The following PDE7A variants were observed in gnomAD, a reference collection of about 807,000 sequenced individuals.
PDE7A encodes the protein high affinity 3',5'-cyclic-AMP phosphodiesterase 7A.
Under a neutral mutation model 64.3 loss-of-function variants are expected in PDE7A, and 39 were observed. That is an observed-to-expected ratio of 0.61 (90% CI 0.47 to 0.79). The LOEUF is 0.79. PDE7A is among the 30% of genes least tolerant of loss of function. PDE7A has a pLI of 0.00. For missense variants in PDE7A, 470 were observed against 582.8 expected (o/e 0.81, Z 1.99); for synonymous variants, 203 against 206.8 (o/e 0.98, Z 0.16).
At chr8:65,769,137 A>G (rs1808946708) in intron 3 of PDE7A, among the ~76,000 whole-genome samples, 1 of 151,500 alleles carries the variant, frequency 6.6e-6, no homozygotes, top group Non-Finnish European at 1.5e-5. Context: ...AATCCCAGCT[A>G]CTTGGGAGGC....
chr8:65,806,630 C>T (rs1810121834), intron 1 of PDE7A, among the ~76,000 whole-genome samples: 1 of 152,246 alleles, frequency 6.6e-6, no homozygotes, highest in African/African-American at 2.4e-5. Flanking sequence ...TTAAATTAGG[C>T]TGTCCCTTGG....
intron 1 of PDE7A, among the ~76,000 whole-genome samples, chr8:65,810,867 T>C (rs1314060035): frequency 1.3e-5 from 2 of 152,098 alleles, no homozygotes; most frequent in Admixed American, 6.5e-5. Flanking sequence ...GAAAAGGGAC[T>C]GAAAAACTAT....
chr8:65,741,772 G>C (rs748180065), intron 5 of PDE7A, among the ~76,000 whole-genome samples: 1 of 152,138 alleles, frequency 6.6e-6, no homozygotes, highest in South Asian at 2.1e-4. Context: ...TTCATTCTCT[G>C]TATATTTAGA....
intron 3 of PDE7A, among the ~76,000 whole-genome samples, chr8:65,755,121 A>G (rs1169744735): frequency 6.7e-6 from 1 of 149,368 alleles, no homozygotes; most frequent in Non-Finnish European, 1.5e-5. Context: ...CCCAGGTTCA[A>G]GTGATTCTCC....
At chr8:65,741,087 G>A (rs1350538535) in intron 5 of PDE7A, among the ~76,000 whole-genome samples, 1 of 152,108 alleles carries the variant, frequency 6.6e-6, no homozygotes, top group Non-Finnish European at 1.5e-5. Flanking sequence ...CTTCCATGGT[G>A]TAACTCTCCA....
In PDE7A at chr8:65,839,215, C is replaced by CT. The variant is rs111962307; in HGVS notation, c.138+2155dup. Among the ~76,000 whole-genome samples, 272 of 141,700 alleles carry CT rather than the reference C, an allele frequency of 1.9e-3. 2 individuals carry two copies. The highest frequency in any genetic ancestry group is 4.5e-3 in the African/African-American group (173 of 38,380). The allele number at this position is 141,700 out of a possible 152,430, so 93.0% of individuals were successfully genotyped here. A position where few individuals can be genotyped will look rare whatever the true frequency, so the allele number is the denominator to read the frequency against. ...AAACTGTAACTATTTTACTTAATGT[C>CT]TTTTTTTTAAAAAAAAAAGGGTTTT... On this transcript the variant is annotated intron_variant, in intron 1 of 12. Transcript: ENST00000401827.
At chr8:65,793,080 T>G (rs555665901) in intron 1 of PDE7A, among the ~76,000 whole-genome samples, 3 of 152,158 alleles carry the variant, frequency 2.0e-5, no homozygotes, top group Non-Finnish European at 4.4e-5. Context: ...TAAAAGCACT[T>G]AGAAAGTCTC....
intron 1 of PDE7A, among the ~76,000 whole-genome samples, chr8:65,814,553 T>C (rs2128930755): frequency 6.8e-6 from 1 of 147,824 alleles, no homozygotes; most frequent in Non-Finnish European, 1.5e-5. Context: ...CATATGTGTA[T>C]ATATATAATA....
intron 5 of PDE7A, among the ~76,000 whole-genome samples, chr8:65,741,717 G>A (rs768433225): frequency 4.5e-4 from 68 of 152,194 alleles, no homozygotes; most frequent in Non-Finnish European, 8.8e-4. Context: ...TGTTGCTATT[G>A]CTGTAACAAC....
chr8:65,738,579 G>A (rs561922805), intron 6 of PDE7A, among the ~76,000 whole-genome samples: 45 of 152,244 alleles, frequency 3.0e-4, no homozygotes, highest in African/African-American at 7.7e-4. Flanking sequence ...ACAGGCGTGC[G>A]CCACCATGCC....
At chr8:65,838,812 CA>C (rs543501786) in intron 1 of PDE7A, 252 of 152,334 alleles carry the variant, frequency 1.7e-3, no homozygotes, top group African/African-American at 5.6e-3. Flanking sequence ...CTGACTCTGG[CA>C]GCCTCCCACC....
At chr8:65,730,580 G>GA (rs1806840475) in intron 7 of PDE7A, among the ~76,000 whole-genome samples, 1 of 152,124 alleles carries the variant, frequency 6.6e-6, no homozygotes, top group South Asian at 2.1e-4. Context: ...TGTCTTCCGT[G>GA]AAACTGGTCC....
chr8:65,794,858 G>A (rs1809796624), intron 1 of PDE7A, among the ~76,000 whole-genome samples: 1 of 152,128 alleles, frequency 6.6e-6, no homozygotes, highest in African/African-American at 2.4e-5. Context: ...TGTAAATCCA[G>A]AGTGCTATAA....
intron 3 of PDE7A, among the ~76,000 whole-genome samples, chr8:65,765,859 G>T (rs1808757290): frequency 6.6e-6 from 1 of 152,200 alleles, no homozygotes; most frequent in African/African-American, 2.4e-5. Context: ...TAAGACATTA[G>T]TATCTCTTAT....
intron 3 of PDE7A, among the ~76,000 whole-genome samples, chr8:65,762,312 G>A (rs942757950): frequency 2.0e-5 from 3 of 151,966 alleles, no homozygotes; most frequent in African/African-American, 7.3e-5. Flanking sequence ...CTACATCTAC[G>A]GGACACATTT....
At chr8:65,827,480 G>GT (rs1428709951) in intron 1 of PDE7A, among the ~76,000 whole-genome samples, 1 of 152,112 alleles carries the variant, frequency 6.6e-6, no homozygotes, top group East Asian at 1.9e-4. Context: ...TAGGTAGAAT[G>GT]TTTTTTGTAA....
intron 7 of PDE7A, among the ~76,000 whole-genome samples, chr8:65,730,141 G>A (rs1335449904): frequency 1.4e-5 from 2 of 142,546 alleles, no homozygotes; most frequent in African/African-American, 5.3e-5. Context: ...ATTGTAAACT[G>A]TGCATGTGAG....
At chr8:65,775,371 A>G (rs185992387) in intron 3 of PDE7A, among the ~76,000 whole-genome samples, 1 of 152,292 alleles carries the variant, frequency 6.6e-6, no homozygotes, top group East Asian at 1.9e-4. Context: ...TAGTTGACTT[A>G]TTTCATTCTT....
chr8:65,766,913 T>G (rs755608203), intron 3 of PDE7A, among the ~76,000 whole-genome samples: 13 of 151,668 alleles, frequency 8.6e-5, no homozygotes, highest in Non-Finnish European at 1.5e-4. Context: ...GGGATGAGAG[T>G]TGAGGAAGTT....
Sources: allele counts gnomAD v4.1 joint callset (sites outside exome capture counted in the v4.1 genomes callset), GRCh38; gene constraint gnomAD v4.1.1; transcripts MANE v1.5; gene names NCBI Gene and HGNC (gene_info 2026-07-23, HGNC 2026-07-21).